The following THSD7B variants were observed in gnomAD, a reference collection of about 807,000 sequenced individuals.
THSD7B encodes thrombospondin type-1 domain-containing protein 7B.
In THSD7B, 138 loss-of-function variants were observed where a neutral mutation model predicts 213.6. That is an observed-to-expected ratio of 0.65 (90% CI 0.56 to 0.74). The LOEUF is 0.74. THSD7B is among the 30% of genes least tolerant of loss of function. THSD7B has a pLI of 0.00. For missense variants in THSD7B, 1,931 were observed against 1,991.5 expected, an observed-to-expected ratio of 0.97 and a Z score of 0.58; for synonymous variants, 742 against 687.0, an observed-to-expected ratio of 1.08 and a Z score of -1.25.
At chr2:137,363,467 TC>T (rs1685322106) in intron 12 of THSD7B, among the ~76,000 whole-genome samples, 1 of 151,734 alleles carries the variant, frequency 6.6e-6, no homozygotes, top group African/African-American at 2.4e-5. Context: ...TTTGAAAAGA[TC>T]AACAAAATTG....
chr2:137,364,843 C>T (rs1426465796), intron 12 of THSD7B, among the ~76,000 whole-genome samples: 1 of 152,258 alleles, frequency 6.6e-6, no homozygotes, highest in East Asian at 1.9e-4. Flanking sequence ...TCAATGCCAT[C>T]CCCATCAAGC....
intron 10 of THSD7B, among the ~76,000 whole-genome samples, chr2:137,256,907 A>C (rs1313939609): frequency 1.8e-4 from 27 of 152,196 alleles, no homozygotes; most frequent in Non-Finnish European, 1.5e-5. Flanking sequence ...TTTATTTCTT[A>C]CAGTTCTGGA....
At chr2:137,402,299 C>T (rs550525127) in intron 12 of THSD7B, among the ~76,000 whole-genome samples, 35 of 152,156 alleles carry the variant, frequency 2.3e-4, no homozygotes, top group African/African-American at 8.2e-4. Flanking sequence ...GTGTGAATTC[C>T]ACCCTACTCT....
At chr2:136,779,662 A>G (rs1443283456) in intron 1 of THSD7B, among the ~76,000 whole-genome samples, 2 of 152,208 alleles carry the variant, frequency 1.3e-5, no homozygotes, top group Non-Finnish European at 2.9e-5. Flanking sequence ...GAGTATTCCC[A>G]AAAACACTAA....
At chr2:137,089,542 A>C (rs1687912698) in intron 3 of THSD7B, among the ~76,000 whole-genome samples, 1 of 151,970 alleles carries the variant, frequency 6.6e-6, no homozygotes. Flanking sequence ...TATTACTCTA[A>C]GTCAAGTAAC....
chr2:136,937,139 C>T (rs1684748709), intron 2 of THSD7B, among the ~76,000 whole-genome samples: 1 of 152,112 alleles, frequency 6.6e-6, no homozygotes, highest in South Asian at 2.1e-4. Flanking sequence ...CAGCCACAGG[C>T]AGCCCACAAA....
chr2:137,551,236 C>T (rs2105206586), intron 15 of THSD7B, among the ~76,000 whole-genome samples: 1 of 152,110 alleles, frequency 6.6e-6, no homozygotes, highest in East Asian at 1.9e-4. Context: ...AATTTCTTCT[C>T]TTCTTTATAT....
At chr2:137,267,258 A>G (rs1682610979) in intron 10 of THSD7B, among the ~76,000 whole-genome samples, 1 of 152,232 alleles carries the variant, frequency 6.6e-6, no homozygotes, top group Non-Finnish European at 1.5e-5. Context: ...ACTGAATTTA[A>G]ACTAGTTATT....
chr2:137,328,420 T>A (rs1234421385), intron 12 of THSD7B, among the ~76,000 whole-genome samples: 1 of 152,234 alleles, frequency 6.6e-6, no homozygotes, highest in Non-Finnish European at 1.5e-5. Context: ...AACGTTTAAA[T>A]GTTAGCTAGG....
At chr2:136,900,066 G>A (rs1459524558) in intron 2 of THSD7B, among the ~76,000 whole-genome samples, 1 of 152,218 alleles carries the variant, frequency 6.6e-6, no homozygotes, top group East Asian at 1.9e-4. Context: ...TGCAGTGAGA[G>A]TGATAAAGAG....
intron 12 of THSD7B, among the ~76,000 whole-genome samples, chr2:137,311,080 G>A (rs1389436320): frequency 4.6e-5 from 7 of 150,962 alleles, no homozygotes; most frequent in African/African-American, 9.7e-5. Flanking sequence ...CATTGAATCT[G>A]TAAATTACCT....
chr2:137,599,127 T>C (rs1454986500), intron 17 of THSD7B, among the ~76,000 whole-genome samples: 11 of 149,120 alleles, frequency 7.4e-5, no homozygotes, highest in Non-Finnish European at 8.9e-5. Flanking sequence ...AGTGAGAATA[T>C]ACGGTGTTTG....
intron 2 of THSD7B, among the ~76,000 whole-genome samples, chr2:136,982,424 G>A (rs567723584): frequency 4.0e-5 from 6 of 151,846 alleles, no homozygotes; most frequent in African/African-American, 7.3e-5. Flanking sequence ...TCGGCCTCCC[G>A]AAGTGCTAGT....
chr2:137,118,117 C>T (rs1031656237), intron 5 of THSD7B, among the ~76,000 whole-genome samples: 5 of 152,036 alleles, frequency 3.3e-5, no homozygotes, highest in East Asian at 3.9e-4. Context: ...GGAATGAAAA[C>T]GTAGAGAGCT....
intron 27 of THSD7B, among the ~76,000 whole-genome samples, chr2:137,670,526 TAA>T (rs1459195938): frequency 4.6e-5 from 7 of 152,216 alleles, no homozygotes; most frequent in South Asian, 2.1e-4. Context: ...TTGATTTCGA[TAA>T]GAGAGTAAAT....
At chr2:137,017,667 C>T (rs904734050) in intron 2 of THSD7B, among the ~76,000 whole-genome samples, 2 of 152,132 alleles carry the variant, frequency 1.3e-5, no homozygotes, top group African/African-American at 4.8e-5. Context: ...CAGGACATCC[C>T]TTATGGTCTG....
intron 4 of THSD7B, among the ~76,000 whole-genome samples, chr2:137,108,207 C>G (rs1164943024): frequency 6.6e-6 from 1 of 152,114 alleles, no homozygotes; most frequent in East Asian, 1.9e-4. Flanking sequence ...TTGTGTTGTT[C>G]TGCTTTAAAT....
chr2:137,093,601 G>A (rs1687990376), intron 3 of THSD7B, among the ~76,000 whole-genome samples: 1 of 152,132 alleles, frequency 6.6e-6, no homozygotes, highest in African/African-American at 2.4e-5. Flanking sequence ...TTTTCTCTGT[G>A]CCTGAGAAGC....
At chr2:136,796,809 A>G (rs896190829) in intron 1 of THSD7B, among the ~76,000 whole-genome samples, 2 of 151,968 alleles carry the variant, frequency 1.3e-5, no homozygotes, top group African/African-American at 4.8e-5. Flanking sequence ...CTCCTTAAAA[A>G]GCTTCCATTT....
Sources: allele counts gnomAD v4.1 joint callset (sites outside exome capture counted in the v4.1 genomes callset), GRCh38; gene constraint gnomAD v4.1.1; transcripts MANE v1.5; gene names NCBI Gene and HGNC (gene_info 2026-07-23, HGNC 2026-07-21).